The following STK32B variants were observed in gnomAD, a reference collection of about 807,000 sequenced individuals.
STK32B encodes the protein serine/threonine-protein kinase 32B.
In STK32B, 43 loss-of-function variants were observed where a neutral mutation model predicts 52.6. That is an observed-to-expected ratio of 0.82 (90% CI 0.64 to 1.05). The LOEUF is 1.05. Ranked by LOEUF, STK32B falls within the 50% of genes least tolerant of loss-of-function variation. STK32B has a pLI of 0.00. For missense variants in STK32B, 621 were observed against 534.6 expected (o/e 1.16, Z -1.59); for synonymous variants, 238 against 204.3 (o/e 1.17, Z -1.41).
intron 11 of STK32B, among the ~76,000 whole-genome samples, chr4:5,473,760 C>A (rs1718020980): frequency 6.6e-6 from 1 of 152,170 alleles, no homozygotes; most frequent in Non-Finnish European, 1.5e-5. Context: ...GCAGCAAACC[C>A]AGCGCATTTG....
At chr4:5,385,000 G>A (rs571659066) in intron 4 of STK32B, among the ~76,000 whole-genome samples, 9 of 152,238 alleles carry the variant, frequency 5.9e-5, no homozygotes, top group Admixed American at 2.0e-4. Flanking sequence ...TGTTGCAGAT[G>A]GCAACAGTGA....
intron 7 of STK32B, among the ~76,000 whole-genome samples, chr4:5,451,090 A>T (rs538974047): frequency 6.6e-6 from 1 of 152,318 alleles, no homozygotes; most frequent in South Asian, 2.1e-4. Flanking sequence ...TACATGAGAA[A>T]ATGTAATCAG....
At chr4:5,147,509 AG>A (rs886159715) in intron 2 of STK32B, among the ~76,000 whole-genome samples, 2 of 152,066 alleles carry the variant, frequency 1.3e-5, no homozygotes, top group African/African-American at 4.8e-5. Context: ...TCTTAATTTT[AG>A]GGGAAAAAGT....
intron 9 of STK32B, among the ~76,000 whole-genome samples, chr4:5,462,314 C>G (rs77658198): frequency 0.015 from 2,212 of 150,376 alleles, 44 homozygotes; most frequent in African/African-American, 0.046. Flanking sequence ...GCTTGTGTGT[C>G]TGTGTGTCTG....
chr4:5,032,476 C>CAAAA, the STK32B span, among the ~76,000 whole-genome samples: 68 of 49,664 alleles, frequency 1.4e-3, no homozygotes, highest in South Asian at 4.6e-3. Flanking sequence ...GACTCCATCT[C>CAAAA]AAAAAAAAAA....
chr4:5,114,007 A>T (rs1262851753), intron 1 of STK32B, among the ~76,000 whole-genome samples: 1 of 152,088 alleles, frequency 6.6e-6, no homozygotes, highest in Non-Finnish European at 1.5e-5. Context: ...CCCATGATTC[A>T]ATTACCTCCC....
At position 5,395,827 on chromosome 4, in the gene STK32B, C is replaced by T. The variant is rs1736851871; in HGVS notation, c.435-2380C>T. Among the ~76,000 whole-genome samples, 2 of 152,228 alleles carry T rather than the reference C, an allele frequency of 1.3e-5. No homozygotes were observed. The highest frequency in any genetic ancestry group is 4.1e-4 in the South Asian group (2 of 4,834). ...GAGTTGGAACACAGACTGTCTAGATCATGGGCTGAATTCTCCCAAACAGAA... is the reference window on the plus strand; with the variant it reads ...GAGTTGGAACACAGACTGTCTAGATTATGGGCTGAATTCTCCCAAACAGAA... On this transcript the variant is annotated intron_variant, in intron 4 of 11. Transcript: ENST00000282908. The surrounding 1 kb of genome is among the most constrained non-coding windows in gnomAD (Gnocchi z 4.4).
chr4:5,043,910 G>A, the STK32B span, among the ~76,000 whole-genome samples: 1 of 152,258 alleles, frequency 6.6e-6, no homozygotes, highest in Non-Finnish European at 1.5e-5. Flanking sequence ...TTGGCTGAAG[G>A]AAGAAATGAG....
rs146272739 is a variant in STK32B at position 5,321,178 on chromosome 4, C to T, written c.261-10042C>T. ...TCAGTTCTGTCACCTCTAAAATAGCCATAATAATGCCTACACCAAAGTGTT... is the reference window on the plus strand; with the variant it reads ...TCAGTTCTGTCACCTCTAAAATAGCTATAATAATGCCTACACCAAAGTGTT... On this transcript the variant is annotated intron_variant, in intron 3 of 11. Transcript: ENST00000282908. Among the ~76,000 whole-genome samples the T allele has an allele frequency of 8.0e-4, 122 of 152,142 alleles. 1 individual carries two copies. The East Asian group carries it at 0.02, about 25-fold the overall frequency.
At chr4:5,338,648 G>T (rs1031278833) in intron 4 of STK32B, among the ~76,000 whole-genome samples, 6 of 152,292 alleles carry the variant, frequency 3.9e-5, no homozygotes, top group Admixed American at 2.6e-4. Flanking sequence ...GGCAGGAAAT[G>T]GAACCATTGT....
chr4:5,244,769 A>G (rs1725317912), intron 3 of STK32B, among the ~76,000 whole-genome samples: 1 of 152,092 alleles, frequency 6.6e-6, no homozygotes, highest in African/African-American at 2.4e-5. Flanking sequence ...AGATTCTGGT[A>G]TGTTGTGTCT....
chr4:5,238,532 C>G (rs1047978586), intron 3 of STK32B, among the ~76,000 whole-genome samples: 1 of 152,182 alleles, frequency 6.6e-6, no homozygotes, highest in Non-Finnish European at 1.5e-5. Flanking sequence ...ATGAACATGA[C>G]CTCCAGGGAG....
rs527921972 is a variant in STK32B, at chr4:5,149,312, G to A, written c.108+9352G>A. ...ATTCTGACAATTCTGCCTTTTAGTT[G>A]TATTGTTTAGTTCATGCACAGCTCA... On this transcript the variant is annotated intron_variant, in intron 2 of 11. Coordinates refer to ENST00000282908, the MANE Select transcript of STK32B (RefSeq NM_018401.3). Among the ~76,000 whole-genome samples the A allele has an allele frequency of 3.3e-5, 5 of 151,798 alleles. No homozygotes were observed. In the South Asian group the frequency reaches 1.0e-3, roughly 31 times the overall value.
chr4:5,054,236 A>G (rs755332404), intron 1 of STK32B, among the ~76,000 whole-genome samples: 3 of 152,114 alleles, frequency 2.0e-5, no homozygotes, highest in Non-Finnish European at 4.4e-5. Context: ...GCAAAGTGTT[A>G]ACAATTTGCT....
rs150078898 is a variant in STK32B, at chr4:5,265,313, A to G, written c.261-65907A>G. ...GAGTAGCTGAAGGTTGCTCCTTGGA[A>G]AGCGTTAATTCTTTAATCCTTTTAA... is the stretch of plus-strand genomic sequence containing the variant. On this transcript the variant is annotated intron_variant, in intron 3 of 11. Transcript: ENST00000282908. 3.9e-5 allele frequency among the ~76,000 whole-genome samples: 6 copies of G among 152,338 alleles called. No homozygotes were observed. In the East Asian group the frequency reaches 9.6e-4, roughly 24 times the overall value.
intron 1 of STK32B, among the ~76,000 whole-genome samples, chr4:5,106,355 A>G (rs933691556): frequency 1.3e-5 from 2 of 152,204 alleles, no homozygotes; most frequent in Admixed American, 6.5e-5. Context: ...GTTCTTTATG[A>G]AAATGCTTCT....
At chr4:5,270,694 A>G (rs1275255062) in intron 3 of STK32B, among the ~76,000 whole-genome samples, 1 of 152,204 alleles carries the variant, frequency 6.6e-6, no homozygotes, top group East Asian at 1.9e-4. Flanking sequence ...ACTGAAGGGC[A>G]TAGCTATTTC....
chr4:5,434,959 G>C (rs1469892730), intron 6 of STK32B, among the ~76,000 whole-genome samples: 1 of 152,112 alleles, frequency 6.6e-6, no homozygotes, highest in African/African-American at 2.4e-5. Context: ...TGACATTCTG[G>C]TCTGGGCTCC....
chr4:5,190,139 T>C (rs1721063422), intron 3 of STK32B, among the ~76,000 whole-genome samples: 1 of 152,154 alleles, frequency 6.6e-6, no homozygotes, highest in African/African-American at 2.4e-5. Flanking sequence ...AAGAAATGCT[T>C]TTGCTAGCCT....
Sources: allele counts gnomAD v4.1 joint callset (sites outside exome capture counted in the v4.1 genomes callset), GRCh38; gene constraint gnomAD v4.1.1; non-coding constraint Gnocchi (gnomAD v3.1); transcripts MANE v1.5; gene names NCBI Gene and HGNC (gene_info 2026-07-23, HGNC 2026-07-21).